The following PRKG1 variants were observed in gnomAD, a reference collection of about 807,000 sequenced individuals.
PRKG1 encodes protein kinase cGMP-dependent 1, also known as cGMP-dependent protein kinase 1.
Under a neutral mutation model 88.1 loss-of-function variants are expected in PRKG1, and 35 were observed. The ratio of observed to expected loss-of-function variants is 0.40; its 90% CI spans 0.30 to 0.53. The LOEUF is 0.53. Among genes scored for constraint, PRKG1 ranks in the 20% least tolerant of loss-of-function variants. The pLI is 0.59. For synonymous variants in PRKG1, 303 were observed against 292.5 expected (o/e 1.04, Z -0.37); for missense variants, 540 against 839.8 (o/e 0.64, Z 4.41).
chr10:52,047,139 T>G (rs1845880380), intron 5 of PRKG1, among the ~76,000 whole-genome samples: 1 of 152,178 alleles, frequency 6.6e-6, no homozygotes, highest in Non-Finnish European at 1.5e-5. Flanking sequence ...AGAAAAAGTG[T>G]TCCAGGATTT....
intron 2 of PRKG1, among the ~76,000 whole-genome samples, chr10:51,447,475 C>T (rs1839308029): frequency 6.6e-6 from 1 of 152,054 alleles, no homozygotes; most frequent in South Asian, 2.1e-4. Flanking sequence ...TAATGGCCAA[C>T]ACAAAAACCA....
At chr10:52,141,713 A>G (rs1837586308) in intron 8 of PRKG1, among the ~76,000 whole-genome samples, 1 of 152,320 alleles carries the variant, frequency 6.6e-6, no homozygotes, top group African/African-American at 2.4e-5. Context: ...CTGGTGGGCC[A>G]TCAATCAAAA....
intron 7 of PRKG1, among the ~76,000 whole-genome samples, chr10:52,117,600 T>A (rs1051110503): frequency 6.6e-6 from 1 of 152,134 alleles, no homozygotes. Flanking sequence ...AAATTACTTG[T>A]GAGAGTTAAT....
At chr10:52,001,713 T>G (rs1040869692) in intron 5 of PRKG1, among the ~76,000 whole-genome samples, 4 of 151,858 alleles carry the variant, frequency 2.6e-5, no homozygotes, top group Non-Finnish European at 5.9e-5. Flanking sequence ...TAAAAGGAAA[T>G]AAAAATAACC....
chr10:51,915,634 C>T (rs1331707295), intron 5 of PRKG1, among the ~76,000 whole-genome samples: 8 of 151,770 alleles, frequency 5.3e-5, no homozygotes, highest in African/African-American at 1.2e-4. Flanking sequence ...ACTCTCAGTT[C>T]GGTATTAATA....
At chr10:51,709,281 A>G (rs1055435035) in intron 3 of PRKG1, among the ~76,000 whole-genome samples, 1 of 152,200 alleles carries the variant, frequency 6.6e-6, no homozygotes, top group Non-Finnish European at 1.5e-5. Flanking sequence ...CTGTACTTTT[A>G]AAATATCAAA....
At chr10:51,844,187 G>A (rs1321952766) in intron 4 of PRKG1, among the ~76,000 whole-genome samples, 1 of 152,096 alleles carries the variant, frequency 6.6e-6, no homozygotes, top group Non-Finnish European at 1.5e-5. Context: ...AATGCTGATG[G>A]CAATCATGAG....
intron 3 of PRKG1, among the ~76,000 whole-genome samples, chr10:51,735,886 T>TA (rs1265706394): frequency 4.2e-4 from 56 of 134,296 alleles, no homozygotes; most frequent in African/African-American, 1.8e-3. Flanking sequence ...TATATGTATA[T>TA]TTATTTATTT....
At position 51,510,032 on chromosome 10, in the gene PRKG1, A is replaced by G. The variant is rs1487949440; in HGVS notation, c.592+42196A>G. 2.0e-5 allele frequency among the ~76,000 whole-genome samples: 3 copies of G among 152,172 alleles called. No homozygotes were observed. The East Asian group carries it at 5.8e-4, about 29-fold the overall frequency. On this transcript the variant is annotated intron_variant, in intron 3 of 17. Coordinates refer to ENST00000373980, the MANE Select transcript of PRKG1 (RefSeq NM_006258.4). Reference sequence around the variant, plus strand: ...ATTTAATATGGAAGTCCATAGATCAATTGACAGCAACAGCATAATAAGAGC... The same window carrying G: ...ATTTAATATGGAAGTCCATAGATCAGTTGACAGCAACAGCATAATAAGAGC...
intron 3 of PRKG1, among the ~76,000 whole-genome samples, chr10:51,654,993 T>G (rs1051454511): frequency 6.6e-6 from 1 of 152,222 alleles, no homozygotes; most frequent in Non-Finnish European, 1.5e-5. Context: ...TTAGAATTTC[T>G]GTATTTTTCC....
chr10:51,399,548 G>T (rs1359081950), intron 2 of PRKG1, among the ~76,000 whole-genome samples: 1 of 152,162 alleles, frequency 6.6e-6, no homozygotes, highest in East Asian at 1.9e-4. Context: ...GGTGAAGATG[G>T]TGCCTTATAA....
chr10:52,232,222 G>A (rs1039330315), intron 9 of PRKG1, among the ~76,000 whole-genome samples: 12 of 151,916 alleles, frequency 7.9e-5, no homozygotes, highest in Non-Finnish European at 1.5e-4. Context: ...AGAATTGCTC[G>A]AACCCGGGAG....
intron 3 of PRKG1, among the ~76,000 whole-genome samples, chr10:51,782,896 A>C (rs985689399): frequency 2.0e-5 from 3 of 152,092 alleles, no homozygotes; most frequent in African/African-American, 4.8e-5. Flanking sequence ...GTATGTCTTT[A>C]TCAGTAGCGT....
chr10:52,215,375 C>G (rs923450307), intron 9 of PRKG1, among the ~76,000 whole-genome samples: 2 of 125,396 alleles, frequency 1.6e-5, no homozygotes, highest in Non-Finnish European at 1.6e-5. Context: ...GCCTGGGCGA[C>G]AAGAGCAAAA....
chr10:52,261,440 C>A (rs183642628), intron 10 of PRKG1, among the ~76,000 whole-genome samples: 3 of 151,850 alleles, frequency 2.0e-5, no homozygotes, highest in African/African-American at 7.3e-5. Flanking sequence ...ATCCTCCTTT[C>A]TTTTCAAAAT....
intron 2 of PRKG1, among the ~76,000 whole-genome samples, chr10:51,167,939 T>A (rs534419414): frequency 2.6e-5 from 4 of 152,126 alleles, no homozygotes; most frequent in Non-Finnish European, 5.9e-5. Flanking sequence ...AGGGGAAAGA[T>A]TGATGAAAGT....
At chr10:51,458,961 T>C (rs1839666973) in intron 2 of PRKG1, among the ~76,000 whole-genome samples, 1 of 152,142 alleles carries the variant, frequency 6.6e-6, no homozygotes, top group Non-Finnish European at 1.5e-5. Flanking sequence ...GAAGAATGAC[T>C]CTATTCACTT....
chr10:52,246,431 A>G (rs761997777), intron 9 of PRKG1, among the ~76,000 whole-genome samples: 2 of 152,144 alleles, frequency 1.3e-5, no homozygotes, highest in Non-Finnish European at 2.9e-5. Context: ...TAAACCATGC[A>G]TATGTATCTT....
At chr10:52,251,896 C>A (rs2132401317) in intron 10 of PRKG1, 2 of 433,618 alleles carry the variant, frequency 4.6e-6, no homozygotes, top group South Asian at 7.1e-5. Flanking sequence ...TTTTAGAAAA[C>A]CTCTTCATAT....
Sources: gnomAD v4.1 joint callset for allele counts (sites outside exome capture counted in the v4.1 genomes callset) on GRCh38, gnomAD v4.1.1 for gene constraint, MANE v1.5 for transcripts, NCBI Gene and HGNC (gene_info 2026-07-23, HGNC 2026-07-21) for gene names.